The following ANKRD17 variants were observed in gnomAD, a reference collection of about 807,000 sequenced individuals.
ANKRD17 encodes ankyrin repeat domain-containing protein 17.
ANKRD17 carries 19 observed loss-of-function variants against 229.7 expected under a neutral mutation model. The observed-to-expected ratio is 0.08, with a 90% CI of 0.06 to 0.12. The LOEUF (loss-of-function observed/expected upper bound fraction) is 0.12, where lower values mean the gene tolerates loss of function less well. ANKRD17 is among the 10% of genes least tolerant of loss of function. ANKRD17 has a pLI of 1.00. For missense variants in ANKRD17, 2,176 were observed against 3,176.8 expected (o/e 0.68, Z 7.57); for synonymous variants, 1,112 against 1,146.1 (o/e 0.97, Z 0.60).
In ANKRD17 at chr4:73,191,336, T is replaced by A. The variant is rs937722700; in HGVS notation, c.394-13803A>T. 1.3e-3 allele frequency among the ~76,000 whole-genome samples: 181 copies of A among 136,076 alleles called. 1 individual carries two copies. The highest frequency in any genetic ancestry group is 4.7e-3 in the African/African-American group (173 of 36,786). 89.3% of individuals were successfully genotyped at this position (136,076 alleles called of 152,430 possible). A position where few individuals can be genotyped will look rare whatever the true frequency, so the allele number is the denominator to read the frequency against. The stretch of plus-strand genomic sequence containing the variant: ...GAAAAAATAGGCCCCTACCAAAAAA[T>A]ATATATGTGTGTGTGTGTGTGTGTG... On this transcript the variant is annotated intron_variant, in intron 1 of 33. Coordinates refer to ENST00000358602, the MANE Select transcript of ANKRD17 (RefSeq NM_032217.5).
At chr4:73,179,510 ATATATATATT>A (rs1244285490) in intron 1 of ANKRD17, among the ~76,000 whole-genome samples, 17 of 77,010 alleles carry the variant, frequency 2.2e-4, no homozygotes, top group East Asian at 1.6e-3. Flanking sequence ...ATATATATAT[ATATATATATT>A]TTTTTTTTTT....
chr4:73,251,244 A>C (rs1213438932), intron 1 of ANKRD17, among the ~76,000 whole-genome samples: 1 of 152,200 alleles, frequency 6.6e-6, no homozygotes, highest in Admixed American at 6.5e-5. Context: ...GGGGAAAATA[A>C]CAGTTAACAT....
intron 2 of ANKRD17, among the ~76,000 whole-genome samples, chr4:73,171,684 C>T (rs1169899944): frequency 6.6e-6 from 1 of 152,090 alleles, no homozygotes; most frequent in Non-Finnish European, 1.5e-5. Flanking sequence ...AGAAGGAATT[C>T]AGAATTCTAT....
intron 29 of ANKRD17, among the ~76,000 whole-genome samples, chr4:73,086,919 A>AACATATAT (rs1553911000): frequency 8.0e-5 from 1 of 12,464 alleles, no homozygotes; most frequent in East Asian, 1.7e-3. Flanking sequence ...AAAAAAAAAA[A>AACATATAT]ATATATATAT....
chr4:73,129,033 T>G (rs568165591), intron 16 of ANKRD17, among the ~76,000 whole-genome samples: 6 of 152,204 alleles, frequency 3.9e-5, no homozygotes, highest in Non-Finnish European at 7.3e-5. Flanking sequence ...TCAAATTATA[T>G]TGCACAAAGT....
chr4:73,239,647 A>G (rs1743828707), intron 1 of ANKRD17, among the ~76,000 whole-genome samples: 1 of 152,194 alleles, frequency 6.6e-6, no homozygotes, highest in African/African-American at 2.4e-5. Flanking sequence ...ATTTACACCT[A>G]GGGATATAAA....
chr4:73,153,159 T>C (rs1479572871), intron 6 of ANKRD17, among the ~76,000 whole-genome samples: 2 of 152,164 alleles, frequency 1.3e-5, no homozygotes, highest in Non-Finnish European at 2.9e-5. Flanking sequence ...GAGTGCCTCC[T>C]TAAATTTTTT....
intron 22 of ANKRD17, among the ~76,000 whole-genome samples, chr4:73,116,156 T>C (rs1250682950): frequency 6.9e-6 from 1 of 144,996 alleles, no homozygotes; most frequent in African/African-American, 2.6e-5. Context: ...TAAACAACTC[T>C]GAATAAAAAA....
chr4:73,227,935 A>AT (rs1266224939), intron 1 of ANKRD17, among the ~76,000 whole-genome samples: 10 of 152,088 alleles, frequency 6.6e-5, no homozygotes, highest in African/African-American at 2.4e-5. Context: ...ATTCCTATCA[A>AT]TTTTTTAACT....
Position 73,234,258 on chromosome 4 carries a change from A to G in ANKRD17, c.393+24018T>C, listed in dbSNP as rs1400343112. Among the ~76,000 whole-genome samples the G allele has an allele frequency of 9.2e-5, 14 of 152,208 alleles. 1 individual carries two copies. Among genetic ancestry groups the G allele is most frequent in the Admixed American group, 9.2e-4 (14 of 15,282 alleles). The stretch of plus-strand genomic sequence containing the variant: ...CTGAAATTTTATCTCTTCAATTAAA[A>G]TTTTTATAATTTTCAAAACCTTTTC... On this transcript the variant is annotated intron_variant, in intron 1 of 33. Transcript: ENST00000358602.
chr4:73,087,658 A>G (rs1285977925), intron 29 of ANKRD17, among the ~76,000 whole-genome samples: 2 of 152,198 alleles, frequency 1.3e-5, no homozygotes, highest in Admixed American at 6.5e-5. Flanking sequence ...CAGAAAGAAT[A>G]TATTTGGGAA....
At chr4:73,076,327 T>C (rs371425717) in intron 33 of ANKRD17, 37 bp from the exon 34 acceptor site, 2 of 1,454,872 alleles carry the variant, frequency 1.4e-6, no homozygotes, top group Non-Finnish European at 9.2e-7. Flanking sequence ...AAAATATATA[T>C]CTAGCATATA....
At chr4:73,134,761 T>G (rs1214123072) in intron 16 of ANKRD17, among the ~76,000 whole-genome samples, 1 of 152,208 alleles carries the variant, frequency 6.6e-6, no homozygotes, top group Non-Finnish European at 1.5e-5. Context: ...TAGAACCTTT[T>G]TTCTTTTACA....
intron 1 of ANKRD17, among the ~76,000 whole-genome samples, chr4:73,184,824 G>A (rs1215410792): frequency 2.0e-5 from 3 of 152,158 alleles, no homozygotes; most frequent in African/African-American, 7.2e-5. Flanking sequence ...AAACAATTAT[G>A]AATGAGAGTG....
intron 1 of ANKRD17, among the ~76,000 whole-genome samples, chr4:73,249,337 G>A (rs1744778636): frequency 6.6e-6 from 1 of 152,156 alleles, no homozygotes; most frequent in African/African-American, 2.4e-5. Context: ...CAAGCTAATA[G>A]TATTTTTGGG....
intron 1 of ANKRD17, among the ~76,000 whole-genome samples, chr4:73,250,688 T>TTTGTTGTTGTTGTTG (rs537285641): frequency 6.1e-5 from 9 of 148,706 alleles, no homozygotes; most frequent in African/African-American, 2.0e-4. Context: ...TGTAACGGTT[T>TTTGTTGTTGTTGTTG]TTGTTGTTGT....
At chr4:73,216,925 AAT>A in intron 1 of ANKRD17, among the ~76,000 whole-genome samples, 1 of 152,324 alleles carries the variant, frequency 6.6e-6, no homozygotes, top group East Asian at 1.9e-4. Context: ...TGGTTTGGCA[AAT>A]TTGGAAGATA....
At chr4:73,230,084 C>T (rs543349581) in intron 1 of ANKRD17, among the ~76,000 whole-genome samples, 1 of 151,994 alleles carries the variant, frequency 6.6e-6, no homozygotes, top group Admixed American at 6.6e-5. Flanking sequence ...TTGATGATTA[C>T]ATTTAAAAAT....
rs756678536 is a variant in ANKRD17 at position 73,092,120 on chromosome 4, T to A, written c.5508A>T (p.Lys1836Asn). 1.9e-6 allele frequency: 3 copies of A among 1,614,180 alleles called. No individual in the cohort carries two copies. Among genetic ancestry groups the A allele is most frequent in the South Asian group, 2.2e-5 (2 of 91,090 alleles). The change falls in exon 29 of 34, where the codon AAA becomes AAT. Residue 1836 changes from lysine (K) to asparagine (N), a missense_variant. Lys to Asn is a moderately conservative substitution (Grantham distance 94). This residue lies in a region of ANKRD17 where 142 missense variants were observed against 200.4 expected (regional missense o/e 0.71). Coordinates refer to ENST00000358602, the MANE Select transcript of ANKRD17 (RefSeq NM_032217.5). ...TAANTSLMGIKMTTVALSSTS... is the reference protein window; with the variant it reads ...TAANTSLMGINMTTVALSSTS... The stretch of plus-strand genomic sequence containing the variant: ...TTGATGACAGAGCTACAGTTGTCAT[T>A]TTAATTCCCATTAAGGAAGTGTTAG...
Sources: allele counts gnomAD v4.1 joint callset (sites outside exome capture counted in the v4.1 genomes callset), GRCh38; gene constraint gnomAD v4.1.1; regional missense constraint gnomAD v4.1.1; transcripts MANE v1.5; gene names NCBI Gene and HGNC (gene_info 2026-07-23, HGNC 2026-07-21).